The following SUPT3H variants were observed in gnomAD, a reference collection of about 807,000 sequenced individuals.
SUPT3H encodes the protein transcription initiation protein SPT3 homolog.
In SUPT3H, 44 loss-of-function variants were observed where a neutral mutation model predicts 44.3. The ratio of observed to expected loss-of-function variants is 0.99; its 90% confidence interval spans 0.78 to 1.28. The LOEUF (loss-of-function observed/expected upper bound fraction) is 1.28. SUPT3H is among the 50% of genes most tolerant of loss of function. The pLI, the probability that SUPT3H is intolerant of heterozygous loss-of-function variation, is 0.00. For synonymous variants in SUPT3H, 124 were observed against 125.6 expected (o/e 0.99, Z 0.09); for missense variants, 380 against 387.1 (o/e 0.98, Z 0.15).
chr6:45,303,148 C>T (rs542045421), intron 2 of SUPT3H, among the ~76,000 whole-genome samples: 32 of 152,224 alleles, frequency 2.1e-4, no homozygotes, highest in African/African-American at 7.7e-4. Context: ...AAATATAAAA[C>T]CTGAAACTAT....
At chr6:44,845,963 G>A (rs1013399563) in intron 10 of SUPT3H, among the ~76,000 whole-genome samples, 1 of 152,186 alleles carries the variant, frequency 6.6e-6, no homozygotes, top group Non-Finnish European at 1.5e-5. Context: ...ACTAACACAA[G>A]CTGCCTATGG....
At position 45,220,021 on chromosome 6, in the gene SUPT3H, C is replaced by CGA. The variant is rs942029399; in HGVS notation, c.102-114017_102-114016dup. Among the ~76,000 whole-genome samples the CGA allele has an allele frequency of 6.3e-5, 7 of 111,512 alleles. No individual in the cohort carries two copies. The East Asian group carries it at 1.2e-3, about 18-fold the overall frequency. 73.2% of individuals were successfully genotyped at this position (111,512 alleles called of 152,430 possible). On this transcript the variant is annotated intron_variant, in intron 2 of 10. Transcript: ENST00000371459. ...GCCATTGCACTCCAGCCTGGGTGACCGAGAGAGAGACTCTGTCTCAAAAAA... is the reference window on the plus strand; with the variant it reads ...GCCATTGCACTCCAGCCTGGGTGACCGAGAGAGAGAGACTCTGTCTCAAAAAA...
At chr6:44,851,759 G>A (rs747796940) in intron 10 of SUPT3H, among the ~76,000 whole-genome samples, 3 of 152,150 alleles carry the variant, frequency 2.0e-5, no homozygotes, top group Non-Finnish European at 2.9e-5. Flanking sequence ...AAATACTAGA[G>A]TGCCTTTTAA....
chr6:45,127,345 T>C (rs1353308339), intron 2 of SUPT3H, among the ~76,000 whole-genome samples: 2 of 151,960 alleles, frequency 1.3e-5, no homozygotes, highest in Non-Finnish European at 2.9e-5. Flanking sequence ...AAATAACAAC[T>C]ATGAACACTG....
intron 2 of SUPT3H, among the ~76,000 whole-genome samples, chr6:45,126,712 G>C (rs1282104502): frequency 6.6e-6 from 1 of 152,126 alleles, no homozygotes; most frequent in Non-Finnish European, 1.5e-5. Context: ...CTGGAATTTA[G>C]AATAAAAGAT....
intron 2 of SUPT3H, among the ~76,000 whole-genome samples, chr6:45,263,160 T>C (rs999336597): frequency 6.6e-5 from 10 of 152,016 alleles, no homozygotes; most frequent in African/African-American, 2.4e-4. Flanking sequence ...AATAAATCAT[T>C]CCACCAGATA....
At chr6:44,832,858 G>GTGAC (rs1437442674) in intron 10 of SUPT3H, among the ~76,000 whole-genome samples, 2 of 152,006 alleles carry the variant, frequency 1.3e-5, no homozygotes, top group African/African-American at 4.8e-5. Context: ...ACTTTTTAAA[G>GTGAC]TGACTGTTTT....
intron 2 of SUPT3H, among the ~76,000 whole-genome samples, chr6:45,277,650 G>A (rs1326212395): frequency 6.6e-6 from 1 of 152,074 alleles, no homozygotes; most frequent in Non-Finnish European, 1.5e-5. Flanking sequence ...ACAATTTTTG[G>A]TGTAACTCCA....
At chr6:45,233,827 C>G (rs1768549388) in intron 2 of SUPT3H, among the ~76,000 whole-genome samples, 1 of 152,142 alleles carries the variant, frequency 6.6e-6, no homozygotes, top group South Asian at 2.1e-4. Flanking sequence ...AAGCCACCTA[C>G]AGCTACTCTA....
chr6:44,810,573 T>C (rs1337351290), intron 11 of SUPT3H, among the ~76,000 whole-genome samples: 1 of 149,110 alleles, frequency 6.7e-6, no homozygotes, highest in Non-Finnish European at 1.5e-5. Flanking sequence ...AAAATGGATG[T>C]GTCATATAGG....
intron 2 of SUPT3H, among the ~76,000 whole-genome samples, chr6:45,314,848 G>A (rs986107384): frequency 6.6e-6 from 1 of 152,000 alleles, no homozygotes; most frequent in African/African-American, 2.4e-5. Flanking sequence ...TAAGCAAAAA[G>A]AACAAATCTG....
At chr6:44,848,880 C>T (rs1349941233) in intron 10 of SUPT3H, among the ~76,000 whole-genome samples, 2 of 152,212 alleles carry the variant, frequency 1.3e-5, no homozygotes, top group Admixed American at 1.3e-4. Flanking sequence ...TACTACACTT[C>T]CTACTACTTC....
At chr6:45,374,717 A>G (rs138295153) in intron 1 of SUPT3H, among the ~76,000 whole-genome samples, 2,028 of 152,324 alleles carry the variant, frequency 0.013, 25 homozygotes, top group Non-Finnish European at 0.018. Flanking sequence ...TGACTGACAT[A>G]GACTACCATG....
At chr6:45,069,888 C>T (rs1019744147) in intron 3 of SUPT3H, among the ~76,000 whole-genome samples, 6 of 152,096 alleles carry the variant, frequency 3.9e-5, no homozygotes, top group Admixed American at 6.5e-5. Context: ...TAGCTCCCTT[C>T]CACTGATATA....
intron 10 of SUPT3H, among the ~76,000 whole-genome samples, chr6:44,871,216 C>T (rs1166375390): frequency 5.0e-5 from 7 of 139,792 alleles, no homozygotes; most frequent in African/African-American, 1.9e-4. Context: ...AACAAAAAGA[C>T]AGCAGTAACC....
intron 6 of SUPT3H, among the ~76,000 whole-genome samples, chr6:45,003,294 G>T (rs979998568): frequency 1.3e-5 from 2 of 152,092 alleles, no homozygotes; most frequent in Admixed American, 6.6e-5. Flanking sequence ...AAAGCAGTAA[G>T]AATTAGTTTT....
At chr6:44,918,504 A>ATTAT (rs2153455789) in intron 10 of SUPT3H, among the ~76,000 whole-genome samples, 1 of 152,314 alleles carries the variant, frequency 6.6e-6, no homozygotes, top group African/African-American at 2.4e-5. Flanking sequence ...CTCCTTTATA[A>ATTAT]GTGACTTTAC....
chr6:45,051,273 G>A (rs1170563936), intron 3 of SUPT3H, among the ~76,000 whole-genome samples: 11 of 152,068 alleles, frequency 7.2e-5, no homozygotes, highest in Non-Finnish European at 1.6e-4. Flanking sequence ...ACAGGTATGT[G>A]GGCATAAGTA....
intron 3 of SUPT3H, among the ~76,000 whole-genome samples, chr6:45,035,637 C>A (rs1276645486): frequency 6.6e-6 from 1 of 152,046 alleles, no homozygotes; most frequent in African/African-American, 2.4e-5. Context: ...TGTATTGCCA[C>A]AGTCGTAGGT....
Sources: gnomAD v4.1 joint callset for allele counts (sites outside exome capture counted in the v4.1 genomes callset) on GRCh38, gnomAD v4.1.1 for gene constraint, MANE v1.5 for transcripts, NCBI Gene and HGNC (gene_info 2026-07-23, HGNC 2026-07-21) for gene names.